The following UXS1 variants were observed in gnomAD, a reference collection of about 807,000 sequenced individuals.
The protein encoded by UXS1 is UDP-glucuronate decarboxylase 1.
UXS1 carries 33 observed loss-of-function variants against 62.6 expected under a neutral mutation model. The ratio of observed to expected loss-of-function variants is 0.53; its 90% confidence interval spans 0.40 to 0.70. The LOEUF is 0.70. Among genes scored for constraint, UXS1 ranks in the 30% least tolerant of loss-of-function variants. The probability of loss-of-function intolerance (pLI) is 0.00; values close to 1 mark genes in which losing one functional copy is unlikely to be tolerated. For synonymous variants in UXS1, 213 were observed against 206.8 expected, an observed-to-expected ratio of 1.03 and a Z score of -0.26; for missense variants, 434 against 556.3, an observed-to-expected ratio of 0.78 and a Z score of 2.21.
intron 8 of UXS1, among the ~76,000 whole-genome samples, chr2:106,125,295 A>G (rs1679839530): frequency 6.6e-6 from 1 of 152,242 alleles, no homozygotes. Flanking sequence ...GACATGTGCT[A>G]GACAAACAGG....
intron 9 of UXS1, among the ~76,000 whole-genome samples, chr2:106,114,774 C>T (rs1490802529): frequency 5.9e-5 from 9 of 152,324 alleles, no homozygotes; most frequent in Non-Finnish European, 5.9e-5. Context: ...CCCTTCTATA[C>T]AGGTGCAACA....
chr2:106,136,892 C>T (rs188562127), intron 6 of UXS1, among the ~76,000 whole-genome samples: 72 of 127,954 alleles, frequency 5.6e-4, no homozygotes, highest in Admixed American at 1.8e-3. Context: ...TGCACATGTA[C>T]CCTAAAACTT....
At chr2:106,171,418 G>A (rs1243116774) in intron 1 of UXS1, among the ~76,000 whole-genome samples, 2 of 152,112 alleles carry the variant, frequency 1.3e-5, no homozygotes, top group Non-Finnish European at 2.9e-5. Context: ...TCCCTGAATG[G>A]GTTTCAGGGA....
intron 1 of UXS1, among the ~76,000 whole-genome samples, chr2:106,190,370 T>C (rs1308722391): frequency 1.3e-5 from 2 of 152,052 alleles, no homozygotes; most frequent in African/African-American, 4.8e-5. Flanking sequence ...AGTCACTAGG[T>C]AATATCTACA....
chr2:106,147,634 C>T lies in UXS1; in HGVS notation c.292-2264G>A, dbSNP rs537690157. On this transcript the variant is annotated intron_variant, in intron 5 of 14. Coordinates refer to ENST00000283148, the MANE Select transcript of UXS1 (RefSeq NM_001253875.2). ...CTCTTAACCCGCCTATACCTGTGAG[C>T]CCCCACTTCAAAATAGCCTGTCTTT... 3.3e-5 allele frequency among the ~76,000 whole-genome samples: 5 copies of T among 152,228 alleles called. No individual in the cohort carries two copies. In the East Asian group the frequency reaches 5.8e-4, roughly 18 times the overall value.
chr2:106,138,054 G>T, intron 6 of UXS1: 1 of 412,692 alleles, frequency 2.4e-6, no homozygotes, highest in Non-Finnish European at 3.3e-6. Context: ...TACTCTTGAG[G>T]TGACAAGGTA....
At chr2:106,141,091 G>C (rs1308344391) in intron 6 of UXS1, among the ~76,000 whole-genome samples, 1 of 152,144 alleles carries the variant, frequency 6.6e-6, no homozygotes, top group African/African-American at 2.4e-5. Flanking sequence ...ACAGGACTAA[G>C]GAAATTACAA....
rs35847245 is a variant in UXS1 at position 106,145,233 on chromosome 2, G to A, written c.429C>T (p.Phe143=). ...CCACCACGTCGTGGTTAATCAACTC[G>A]AAGTTCTCATGTCCGATCCAGTGCT... ...NVEHWIGHEN[F]ELINHDVVEP... is the part of the protein sequence containing the mutation. Residue 143 remains phenylalanine (F), a synonymous_variant, in exon 6 of 15, where the codon TTC becomes TTT. Coordinates refer to ENST00000283148, the MANE Select transcript of UXS1 (RefSeq NM_001253875.2). 1.4e-5 allele frequency: 22 copies of A among 1,613,708 alleles called. No individual in the cohort carries two copies. Among genetic ancestry groups the A allele is most frequent in the African/African-American group, 5.3e-5 (4 of 74,890 alleles).
intron 7 of UXS1, among the ~76,000 whole-genome samples, chr2:106,127,052 A>G (rs1680017725): frequency 1.3e-5 from 2 of 152,210 alleles, no homozygotes; most frequent in Non-Finnish European, 1.5e-5. Context: ...AAATCTATCC[A>G]AGCTGCAGTG....
intron 6 of UXS1, chr2:106,138,547 C>G: frequency 4.1e-6 from 4 of 985,506 alleles, no homozygotes; most frequent in Non-Finnish European, 4.8e-6. Context: ...TACCCCTCCA[C>G]GGTGCTCTGG....
chr2:106,110,660 G>A (rs1016325496), intron 10 of UXS1, among the ~76,000 whole-genome samples: 7 of 152,096 alleles, frequency 4.6e-5, no homozygotes, highest in South Asian at 2.1e-4. Flanking sequence ...AAAGGAAAGC[G>A]GCCACTACAA....
intron 5 of UXS1, among the ~76,000 whole-genome samples, chr2:106,150,361 T>G (rs1681910487): frequency 6.6e-6 from 1 of 152,208 alleles, no homozygotes; most frequent in Admixed American, 6.5e-5. Flanking sequence ...GTTCTGTCCC[T>G]TAAGACAATG....
chr2:106,152,594 G>C (rs964250232), intron 5 of UXS1, among the ~76,000 whole-genome samples: 10 of 149,600 alleles, frequency 6.7e-5, no homozygotes, highest in African/African-American at 2.2e-4. Context: ...AGAAAGAAAA[G>C]AAAAGAAAAA....
chr2:106,152,873 GA>G (rs11310800), intron 5 of UXS1, among the ~76,000 whole-genome samples: 56,185 of 151,632 alleles, frequency 0.37, 11,064 homozygotes, highest in Non-Finnish European at 0.44. Context: ...GAGGGGCAAG[GA>G]AAAAAAATCA....
chr2:106,157,992 A>G, intron 5 of UXS1, 66 bp downstream of exon 5: 1 of 1,337,606 alleles, frequency 7.5e-7, no homozygotes, highest in Non-Finnish European at 1.0e-6. Context: ...TGATATGTGA[A>G]TTATCTCTCA....
chr2:106,114,963 A>G (rs747141253), intron 9 of UXS1, among the ~76,000 whole-genome samples: 3 of 152,180 alleles, frequency 2.0e-5, no homozygotes, highest in Non-Finnish European at 2.9e-5. Context: ...TTGTATGCCC[A>G]TCTATCCCTT....
intron 9 of UXS1, among the ~76,000 whole-genome samples, chr2:106,121,462 G>C (rs183336886): frequency 6.6e-6 from 1 of 152,136 alleles, no homozygotes; most frequent in East Asian, 1.9e-4. Context: ...GAAAACAGTT[G>C]AGAATCATAT....
chr2:106,182,600 C>G (rs1015578438), intron 1 of UXS1, among the ~76,000 whole-genome samples: 9 of 152,104 alleles, frequency 5.9e-5, no homozygotes, highest in African/African-American at 2.2e-4. Flanking sequence ...TCTAGGAGGA[C>G]CATCTCCAAA....
intron 6 of UXS1, among the ~76,000 whole-genome samples, chr2:106,144,603 T>C (rs1681402849): frequency 6.6e-6 from 1 of 152,206 alleles, no homozygotes; most frequent in South Asian, 2.1e-4. Context: ...ATTCTAACCA[T>C]ATTTAGTAAC....
Sources: gnomAD v4.1 joint callset for allele counts (sites outside exome capture counted in the v4.1 genomes callset) on GRCh38, gnomAD v4.1.1 for gene constraint, MANE v1.5 for transcripts, NCBI Gene and HGNC (gene_info 2026-07-23, HGNC 2026-07-21) for gene names.